Variants in MTPAP observed in about 807,000 individuals in gnomAD.
The protein encoded by MTPAP is mitochondrial poly(A) polymerase.
Under a neutral mutation model 48.7 loss-of-function variants are expected in MTPAP, and 23 were observed. The ratio of observed to expected loss-of-function variants is 0.47; its 90% CI spans 0.34 to 0.67. The LOEUF (loss-of-function observed/expected upper bound fraction) is 0.67. Ranked by LOEUF, MTPAP falls within the 30% of genes least tolerant of loss-of-function variation. The pLI is 0.01. For synonymous variants in MTPAP, 257 were observed against 254.1 expected, an observed-to-expected ratio of 1.01 and a Z score of -0.11; for missense variants, 614 against 694.3, an observed-to-expected ratio of 0.88 and a Z score of 1.30.
chr10:30,342,126 C>T (rs1834817141), intron 1 of MTPAP, among the ~76,000 whole-genome samples: 1 of 152,042 alleles, frequency 6.6e-6, no homozygotes, highest in Admixed American at 6.6e-5. Flanking sequence ...GTCCCAGCTA[C>T]TTGGGAGGCT....
intron 8 of MTPAP, among the ~76,000 whole-genome samples, chr10:30,314,295 A>G (rs1840635774): frequency 6.6e-6 from 1 of 152,174 alleles, no homozygotes; most frequent in Non-Finnish European, 1.5e-5. Context: ...TTAAAATAAT[A>G]TAACTTTTAC....
Position 30,340,608 on chromosome 10 carries a change from A to G in MTPAP, c.331-158T>C, listed in dbSNP as rs192242988. Among the ~76,000 whole-genome samples, 4 of 152,318 alleles carry G rather than the reference A, an allele frequency of 2.6e-5. No homozygotes were observed. The East Asian group carries it at 7.7e-4, about 29-fold the overall frequency. On this transcript the variant is annotated intron_variant, in intron 2 of 8. Transcript: ENST00000263063. ...TCTAACATAGCATTAATTTTATTCAATTTAAGTAGATGAAGAAAAGGAACA... is the reference window on the plus strand; with the variant it reads ...TCTAACATAGCATTAATTTTATTCAGTTTAAGTAGATGAAGAAAAGGAACA...
chr10:30,316,928 C>A (rs1210016569), intron 6 of MTPAP, among the ~76,000 whole-genome samples: 3 of 151,986 alleles, frequency 2.0e-5, no homozygotes, highest in East Asian at 3.9e-4. Context: ...AAGTAAATTT[C>A]TACTCTATTC....
intron 4 of MTPAP, among the ~76,000 whole-genome samples, chr10:30,335,777 AG>A (rs1834723714): frequency 6.6e-6 from 1 of 152,280 alleles, no homozygotes; most frequent in East Asian, 1.9e-4. Flanking sequence ...TAGGAGGCCG[AG>A]GGGTGTGGAT....
chr10:30,317,735 G>A (rs1028617167), intron 6 of MTPAP, among the ~76,000 whole-genome samples: 1 of 152,058 alleles, frequency 6.6e-6, no homozygotes, highest in African/African-American at 2.4e-5. Context: ...CTCTGCCCCA[G>A]TCAGGAATTA....
intron 1 of MTPAP, among the ~76,000 whole-genome samples, chr10:30,348,664 C>T (rs996035046): frequency 3.9e-5 from 6 of 152,128 alleles, no homozygotes; most frequent in Non-Finnish European, 2.9e-5. Context: ...ATAGACAGAA[C>T]CCTATGTCTA....
chr10:30,321,198 A>G (rs1480482765), intron 6 of MTPAP, among the ~76,000 whole-genome samples: 3 of 152,198 alleles, frequency 2.0e-5, no homozygotes, highest in Non-Finnish European at 2.9e-5. Context: ...ACTCTACCCC[A>G]CTGAAAACTT....
chr10:30,330,363 C>T (rs1291721139), intron 4 of MTPAP, among the ~76,000 whole-genome samples: 2 of 152,134 alleles, frequency 1.3e-5, no homozygotes, highest in Non-Finnish European at 2.9e-5. Context: ...AAAGCAAAGA[C>T]AGATTGGGGG....
intron 4 of MTPAP, among the ~76,000 whole-genome samples, chr10:30,331,950 CA>C (rs1395600804): frequency 2.6e-5 from 4 of 152,118 alleles, no homozygotes; most frequent in African/African-American, 9.7e-5. Context: ...ATAAGACATG[CA>C]AAAAAGTCTA....
chr10:30,324,131 A>G (rs943857580), intron 5 of MTPAP, among the ~76,000 whole-genome samples: 1 of 152,046 alleles, frequency 6.6e-6, no homozygotes, highest in African/African-American at 2.4e-5. Context: ...GCAGTGTGCC[A>G]AAATTAAGCC....
chr10:30,325,180 A>G (rs1834568934), intron 5 of MTPAP, among the ~76,000 whole-genome samples: 1 of 152,194 alleles, frequency 6.6e-6, no homozygotes, highest in South Asian at 2.1e-4. Flanking sequence ...TACATACTAC[A>G]AAGAAAATAT....
Position 30,322,272 on chromosome 10 carries a change from A to G in MTPAP, c.1219+119T>C, listed in dbSNP as rs143853246. 92 of 923,576 alleles carry G rather than the reference A, an allele frequency of 1.0e-4. No homozygotes were observed. In the East Asian group the frequency reaches 2.1e-3, roughly 22 times the overall value. The allele number at this position is 923,576 out of a possible 1,614,324, so 57.2% of individuals were successfully genotyped here. A position where few individuals can be genotyped will look rare whatever the true frequency, so the allele number is the denominator to read the frequency against. On this transcript the variant is annotated intron_variant, in intron 6 of 8. Coordinates refer to ENST00000263063, the MANE Select transcript of MTPAP (RefSeq NM_018109.4). Reference sequence around the variant, plus strand: ...TCGTGACTCCGGTAGACTTTAAAAAAAAGTCAAGACAAATTTTATGACTAA... The same window carrying G: ...TCGTGACTCCGGTAGACTTTAAAAAGAAGTCAAGACAAATTTTATGACTAA...
At chr10:30,345,017 A>G (rs1015326000) in intron 1 of MTPAP, among the ~76,000 whole-genome samples, 53 of 151,948 alleles carry the variant, frequency 3.5e-4, no homozygotes, top group African/African-American at 1.3e-3. Context: ...ACAGTGTAGA[A>G]TTTTCTCAGG....
At chr10:30,332,126 T>C (rs1834675737) in intron 4 of MTPAP, among the ~76,000 whole-genome samples, 2 of 152,264 alleles carry the variant, frequency 1.3e-5, no homozygotes. Flanking sequence ...ATCTGATGAA[T>C]GTAAGAGTAC....
In MTPAP at chr10:30,349,129, G is replaced by A; in HGVS notation, c.147C>T (p.Ser49=). The A allele has an allele frequency of 4.3e-6, 7 of 1,613,678 alleles. No homozygotes were observed. Among genetic ancestry groups the A allele is most frequent in the Non-Finnish European group, 5.9e-6 (7 of 1,179,820 alleles). Residue 49 remains serine, a synonymous_variant, in exon 1 of 9, where the codon AGC becomes AGT. Coordinates refer to ENST00000263063, the MANE Select transcript of MTPAP (RefSeq NM_018109.4). ...AACCGGCGCCATCACCTGTCTCCACGCTCCCTGAAGGCTGCTCGTCTCTCC... is the reference window on the plus strand; with the variant it reads ...AACCGGCGCCATCACCTGTCTCCACACTCCCTGAAGGCTGCTCGTCTCTCC... ...DLRRDEQPSG[S]VETGFEDKIP... is the part of the protein sequence containing the mutation.
chr10:30,321,167 AAAGTGAGAT>A (rs1011521193), intron 6 of MTPAP, among the ~76,000 whole-genome samples: 20 of 152,338 alleles, frequency 1.3e-4, no homozygotes, highest in Admixed American at 2.6e-4. Flanking sequence ...TTTAATCTCA[AAAGTGAGAT>A]AAGTGACCAC....
intron 6 of MTPAP, among the ~76,000 whole-genome samples, chr10:30,320,032 G>C (rs998804071): frequency 6.6e-6 from 1 of 152,172 alleles, no homozygotes; most frequent in African/African-American, 2.4e-5. Context: ...AGGCTGAGAA[G>C]GATCGCTTGA....
chr10:30,329,599 C>T (rs1188077634), intron 4 of MTPAP, among the ~76,000 whole-genome samples: 1 of 152,106 alleles, frequency 6.6e-6, no homozygotes, highest in Non-Finnish European at 1.5e-5. Context: ...CATCCATATT[C>T]CTGGCCCTGG....
At chr10:30,319,626 A>G (rs769323936) in intron 6 of MTPAP, among the ~76,000 whole-genome samples, 64 of 152,254 alleles carry the variant, frequency 4.2e-4, no homozygotes, top group Non-Finnish European at 8.2e-4. Context: ...AAAAAGGAAA[A>G]GGAAAATATT....
Sources: gnomAD v4.1 joint callset for allele counts (sites outside exome capture counted in the v4.1 genomes callset) on GRCh38, gnomAD v4.1.1 for gene constraint, MANE v1.5 for transcripts, NCBI Gene and HGNC (gene_info 2026-07-23, HGNC 2026-07-21) for gene names.